The following C12orf42 variants were observed in gnomAD, a reference collection of about 807,000 sequenced individuals.
The protein encoded by C12orf42 is uncharacterized protein C12orf42.
In C12orf42, 25 loss-of-function variants were observed where a neutral mutation model predicts 21.6. The observed-to-expected ratio is 1.16, with a 90% CI of 0.84 to 1.62. C12orf42 has a LOEUF of 1.62. Among genes scored for constraint, C12orf42 ranks in the 40% most tolerant of loss-of-function variants. The pLI, the probability that C12orf42 is intolerant of heterozygous loss-of-function variation, is 0.00. For missense variants in C12orf42, 483 were observed against 459.3 expected (o/e 1.05, Z -0.47); for synonymous variants, 174 against 175.0 (o/e 0.99, Z 0.05).
chr12:103,428,233 A>G (rs1177145803), intron 2 of C12orf42, among the ~76,000 whole-genome samples: 1 of 152,134 alleles, frequency 6.6e-6, no homozygotes, highest in African/African-American at 2.4e-5. Context: ...CAGACTAATA[A>G]AGAAGAAAAA....
chr12:103,425,377 G>A (rs12302389), intron 2 of C12orf42, among the ~76,000 whole-genome samples: 27,619 of 152,088 alleles, frequency 0.18, 2,976 homozygotes, highest in African/African-American at 0.31. Context: ...CCTGCCCCCC[G>A]TGCCTCCTGA....
chr12:103,102,421 G>T, the C12orf42 span, among the ~76,000 whole-genome samples: 2 of 152,074 alleles, frequency 1.3e-5, no homozygotes, highest in African/African-American at 4.8e-5. Context: ...ATCTAGATCT[G>T]TCTCATTTGG....
At chr12:103,185,173 G>A in the C12orf42 span, among the ~76,000 whole-genome samples, 3 of 152,148 alleles carry the variant, frequency 2.0e-5, no homozygotes, top group Admixed American at 6.5e-5. Context: ...GTTTTCTATT[G>A]TAGACATTTA....
chr12:103,529,500 A>G, the C12orf42 span, among the ~76,000 whole-genome samples: 40 of 152,322 alleles, frequency 2.6e-4, no homozygotes, highest in Non-Finnish European at 4.9e-4. Flanking sequence ...CCGTTGCCAC[A>G]TAAACACACC....
the C12orf42 span, among the ~76,000 whole-genome samples, chr12:103,125,749 C>G: frequency 1.3e-5 from 2 of 152,152 alleles, no homozygotes; most frequent in Non-Finnish European, 2.9e-5. Flanking sequence ...TCTATCTTTC[C>G]TAACTCCCAT....
the C12orf42 span, among the ~76,000 whole-genome samples, chr12:103,152,119 G>A: frequency 6.6e-6 from 1 of 152,168 alleles, no homozygotes; most frequent in Non-Finnish European, 1.5e-5. Flanking sequence ...AGACCTCAAT[G>A]GTACAACTGA....
the C12orf42 span, among the ~76,000 whole-genome samples, chr12:103,105,018 A>G: frequency 6.6e-6 from 1 of 152,238 alleles, no homozygotes; most frequent in African/African-American, 2.4e-5. Context: ...GTTAATGCAC[A>G]TTTCCACACT....
intron 2 of C12orf42, among the ~76,000 whole-genome samples, chr12:103,472,530 G>A (rs953564042): frequency 2.0e-5 from 3 of 152,150 alleles, no homozygotes; most frequent in Admixed American, 6.6e-5. Flanking sequence ...GCCCTCACCA[G>A]GCTCACAGCT....
chr12:103,099,428 T>A, the C12orf42 span, among the ~76,000 whole-genome samples: 1 of 152,076 alleles, frequency 6.6e-6, no homozygotes, highest in Non-Finnish European at 1.5e-5. Context: ...AAAAATCCAG[T>A]GGAGGAAAGA....
intron 2 of C12orf42, chr12:103,441,410 A>G (rs1951235212): frequency 6.6e-6 from 1 of 152,182 alleles, no homozygotes; most frequent in Non-Finnish European, 1.5e-5. Context: ...ACTAAGTAAC[A>G]ATTTCAAACT....
chr12:103,346,965 C>G (rs1658145638), intron 4 of C12orf42, among the ~76,000 whole-genome samples: 1 of 152,178 alleles, frequency 6.6e-6, no homozygotes, highest in South Asian at 2.1e-4. Flanking sequence ...ATTTATCATG[C>G]AGTGAGAAAT....
At chr12:103,481,585 T>G (rs1954473343) in intron 1 of C12orf42, among the ~76,000 whole-genome samples, 1 of 151,948 alleles carries the variant, frequency 6.6e-6, no homozygotes, top group Non-Finnish European at 1.5e-5. Context: ...TTTCCATACT[T>G]GAACTTTTAA....
chr12:103,201,937 A>G, the C12orf42 span, among the ~76,000 whole-genome samples: 3 of 152,192 alleles, frequency 2.0e-5, no homozygotes, highest in Non-Finnish European at 4.4e-5. Context: ...AGCCAAAAAA[A>G]AGCAAGAAAT....
chr12:103,378,651 A>C (rs940806845), intron 3 of C12orf42: 1 of 152,206 alleles, frequency 6.6e-6, no homozygotes, highest in Non-Finnish European at 1.5e-5. Flanking sequence ...TAGCTAACAC[A>C]CGGCTTGGCA....
intron 4 of C12orf42, among the ~76,000 whole-genome samples, chr12:103,316,555 A>G (rs751902019): frequency 4.6e-5 from 7 of 152,068 alleles, no homozygotes; most frequent in Non-Finnish European, 7.4e-5. Context: ...TTTTTGTCTC[A>G]TTCTTGATTG....
At chr12:103,095,376 C>T in the C12orf42 span, among the ~76,000 whole-genome samples, 2 of 152,174 alleles carry the variant, frequency 1.3e-5, no homozygotes, top group Non-Finnish European at 2.9e-5. Context: ...GCTCTGATCC[C>T]TTCACACTGG....
chr12:103,172,343 T>C, the C12orf42 span, among the ~76,000 whole-genome samples: 1 of 152,070 alleles, frequency 6.6e-6, no homozygotes, highest in East Asian at 1.9e-4. Flanking sequence ...CAAGATGGTG[T>C]CAGGAAGTTG....
At chr12:103,511,867 G>A in the C12orf42 span, among the ~76,000 whole-genome samples, 1 of 151,912 alleles carries the variant, frequency 6.6e-6, no homozygotes, top group African/African-American at 2.4e-5. Flanking sequence ...TTTCTTTTTG[G>A]AAGTGTTAGG....
chr12:103,336,698 G>C (rs765593724), intron 4 of C12orf42, among the ~76,000 whole-genome samples: 5 of 152,144 alleles, frequency 3.3e-5, no homozygotes, highest in Non-Finnish European at 7.3e-5. Context: ...GAACATAAAA[G>C]GAGTTGATTA....
Sources: allele counts gnomAD v4.1 joint callset (sites outside exome capture counted in the v4.1 genomes callset), GRCh38; gene constraint gnomAD v4.1.1; transcripts MANE v1.5; gene names NCBI Gene and HGNC (gene_info 2026-07-23, HGNC 2026-07-21).